SLC9C1: variants seen among roughly 807,000 people sequenced by gnomAD.
SLC9C1 encodes the protein solute carrier family 9 member C1.
SLC9C1 carries 97 observed loss-of-function variants against 140.9 expected under a neutral mutation model. That is an observed-to-expected ratio of 0.69 (90% CI 0.58 to 0.82). SLC9C1 has a LOEUF of 0.82. Ranked by LOEUF, SLC9C1 falls within the 40% of genes least tolerant of loss-of-function variation. SLC9C1 has a pLI of 0.00. For synonymous variants in SLC9C1, 440 were observed against 442.6 expected (o/e 0.99, Z 0.07); for missense variants, 1,340 against 1,389.3 (o/e 0.96, Z 0.56).
At chr3:112,266,436 C>A in intron 7 of SLC9C1, 96 bp from the exon 8 acceptor site, 1 of 947,204 alleles carries the variant, frequency 1.1e-6, no homozygotes, top group South Asian at 1.8e-5. Flanking sequence ...TGTGACAGTA[C>A]CATGACTTTT....
intron 7 of SLC9C1, among the ~76,000 whole-genome samples, chr3:112,267,664 TAAAGTTTAATTTAGTGAAA>T (rs2079962857): frequency 6.7e-6 from 1 of 149,648 alleles, no homozygotes; most frequent in Non-Finnish European, 1.5e-5. Flanking sequence ...TGGATTGTAA[TAAAGTTTAATTTAGTGAAA>T]TTAATGCCAT....
In SLC9C1 at chr3:112,179,535, A is replaced by G; in HGVS notation, c.2915T>C (p.Val972Ala). The change falls in exon 23 of 29, where the codon GTG (valine) becomes GCG (alanine). Residue 972 changes from valine (V) to alanine (A), a missense_variant. Val to Ala is a moderately conservative substitution (Grantham distance 64). Transcript: ENST00000305815. ...CACAGGCGAAGTTTTTCTGACCTCCACTACAGTTTTGCAGGTGGCAGAATA... is the reference window on the plus strand; with the variant it reads ...CACAGGCGAAGTTTTTCTGACCTCCGCTACAGTTTTGCAGGTGGCAGAATA... Reference protein sequence around the residue: ...MKYSATCKTVVETCFIPKTHL... With the variant: ...MKYSATCKTVAETCFIPKTHL... 6.2e-7 allele frequency: 1 copy of G among 1,601,780 alleles called. No individual in the cohort carries two copies.
At chr3:112,167,415 G>C in intron 25 of SLC9C1, 68 bp from the exon 26 acceptor site, 2 of 1,464,314 alleles carry the variant, frequency 1.4e-6, no homozygotes, top group East Asian at 4.8e-5. Context: ...TACCTAGTAA[G>C]CTGCTATTTC....
In SLC9C1 at chr3:112,171,246, T is replaced by A. The variant is rs369021410; in HGVS notation, c.2920-1918A>T. Among the ~76,000 whole-genome samples, 9 of 151,630 alleles carry A rather than the reference T, an allele frequency of 5.9e-5. No homozygotes were observed. In the East Asian group the frequency reaches 7.7e-4, roughly 13 times the overall value. On this transcript the variant is annotated intron_variant, in intron 23 of 28. Transcript: ENST00000305815. ...AAAAAGAAAAGAAAAGAAAAGAAAA[T>A]TTTAGTTGCTCCACGTCCTTGCCAA...
rs138535647 is a variant in SLC9C1, at chr3:112,141,024, T to C, written c.*248A>G. 5.5e-3 allele frequency: 2,060 copies of C among 372,824 alleles called. 36 individuals carry two copies. Among genetic ancestry groups the C allele is most frequent in the African/African-American group, 0.038 (1,836 of 47,828 alleles). 23.1% of individuals were successfully genotyped at this position (372,824 alleles called of 1,614,324 possible). ...TTCTGGCTTTAAGACTAAAATTTAC[T>C]CTAAGATTTTCTAAAATGTTTTGTA... On this transcript the variant is annotated 3_prime_UTR_variant, in exon 29 of 29. Transcript: ENST00000305815.
intron 16 of SLC9C1, among the ~76,000 whole-genome samples, chr3:112,207,323 G>C (rs2078081841): frequency 6.6e-6 from 1 of 152,152 alleles, no homozygotes; most frequent in African/African-American, 2.4e-5. Context: ...TGCTTGTAAT[G>C]TTTGCACAGT....
At chr3:112,229,160 G>A (rs2078756584) in intron 13 of SLC9C1, among the ~76,000 whole-genome samples, 1 of 152,080 alleles carries the variant, frequency 6.6e-6, no homozygotes, top group Admixed American at 6.6e-5. Flanking sequence ...GTGGCTCCAA[G>A]AGGCTGGGAA....
chr3:112,155,375 A>G (rs1156898154), intron 26 of SLC9C1, among the ~76,000 whole-genome samples: 3 of 152,204 alleles, frequency 2.0e-5, no homozygotes, highest in Non-Finnish European at 4.4e-5. Context: ...TACATAAGAA[A>G]GCAAAAGAAT....
chr3:112,172,334 A>C (rs2077262180), intron 23 of SLC9C1, among the ~76,000 whole-genome samples: 1 of 151,886 alleles, frequency 6.6e-6, no homozygotes. Context: ...ATTTTTGTAA[A>C]AAGAATTAAA....
At chr3:112,170,874 T>C (rs187043381) in intron 23 of SLC9C1, among the ~76,000 whole-genome samples, 2 of 152,336 alleles carry the variant, frequency 1.3e-5, no homozygotes, top group East Asian at 1.9e-4. Context: ...AAATTAAAAC[T>C]CTGTTTCAGA....
At chr3:112,150,940 C>T (rs777968639) in intron 28 of SLC9C1, among the ~76,000 whole-genome samples, 11 of 149,984 alleles carry the variant, frequency 7.3e-5, no homozygotes, top group Non-Finnish European at 1.3e-4. Context: ...CAGGTTCAAG[C>T]GATTCTCCTG....
chr3:112,286,852 T>A lies in SLC9C1; in HGVS notation c.-61A>T. 8.3e-7 allele frequency: 1 copy of A among 1,206,212 alleles called. No individual in the cohort carries two copies. Among genetic ancestry groups the A allele is most frequent in the Non-Finnish European group, 1.2e-6 (1 of 848,564 alleles). The allele number at this position is 1,206,212 out of a possible 1,614,324, so 74.7% of individuals were successfully genotyped here. A position where few individuals can be genotyped will look rare whatever the true frequency, so the allele number is the denominator to read the frequency against. On this transcript the variant is annotated 5_prime_UTR_variant, in exon 2 of 29. The change creates a new upstream start codon in the 5' untranslated region. Coordinates refer to ENST00000305815, the MANE Select transcript of SLC9C1 (RefSeq NM_183061.3). Reference sequence around the variant, plus strand: ...AGCAATCTCCATATGATCATCCATCTTGTTGTTTTTCACAGTCCATCTGAA... The same window carrying A: ...AGCAATCTCCATATGATCATCCATCATGTTGTTTTTCACAGTCCATCTGAA...
intron 16 of SLC9C1, among the ~76,000 whole-genome samples, chr3:112,205,358 C>T (rs1326572746): frequency 2.0e-5 from 3 of 151,316 alleles, no homozygotes; most frequent in Non-Finnish European, 4.4e-5. Flanking sequence ...ACGTGAAGGA[C>T]CTCTTCAAGG....
intron 11 of SLC9C1, among the ~76,000 whole-genome samples, chr3:112,242,064 A>G (rs966480614): frequency 1.3e-5 from 2 of 152,210 alleles, no homozygotes; most frequent in Admixed American, 6.5e-5. Flanking sequence ...TAAGTCCCCA[A>G]AAAAATTGTA....
At chr3:112,141,302 AAAC>A (rs2074614187) in intron 28 of SLC9C1, 21 bp from the exon 29 acceptor site, 1 of 1,580,006 alleles carries the variant, frequency 6.3e-7, no homozygotes, top group Non-Finnish European at 8.6e-7. Context: ...CGGAAAGAAA[AAAC>A]AAAAACATAG....
chr3:112,164,528 A>C (rs1360693020), intron 26 of SLC9C1, among the ~76,000 whole-genome samples: 1 of 147,864 alleles, frequency 6.8e-6, no homozygotes, highest in Non-Finnish European at 1.5e-5. Context: ...TCCTTCACTT[A>C]TGAAGCTTAG....
intron 23 of SLC9C1, among the ~76,000 whole-genome samples, chr3:112,173,114 A>C (rs1378606442): frequency 6.6e-6 from 1 of 152,132 alleles, no homozygotes; most frequent in Non-Finnish European, 1.5e-5. Flanking sequence ...AGTCTGTGTA[A>C]GATTCATATT....
At chr3:112,282,882 T>C (rs2080397404) in intron 2 of SLC9C1, among the ~76,000 whole-genome samples, 1 of 152,248 alleles carries the variant, frequency 6.6e-6, no homozygotes, top group Non-Finnish European at 1.5e-5. Flanking sequence ...AAAATTATTG[T>C]GACTATTCAT....
At chr3:112,201,747 AG>A (rs1210952883) in intron 18 of SLC9C1, among the ~76,000 whole-genome samples, 3 of 151,928 alleles carry the variant, frequency 2.0e-5, no homozygotes, top group Admixed American at 6.6e-5. Flanking sequence ...AAATCAAACT[AG>A]GTTTCCCTCT....
Sources: allele counts gnomAD v4.1 joint callset (sites outside exome capture counted in the v4.1 genomes callset), GRCh38; gene constraint gnomAD v4.1.1; transcripts MANE v1.5; gene names NCBI Gene and HGNC (gene_info 2026-07-23, HGNC 2026-07-21).